TSC22D2: variants seen among roughly 807,000 people sequenced by gnomAD.
TSC22D2 encodes TSC22 domain family member 2.
Under a neutral mutation model 50.1 loss-of-function variants are expected in TSC22D2, and 5 were observed. That is an observed-to-expected ratio of 0.10 (90% CI 0.05 to 0.21). TSC22D2 has a LOEUF of 0.21. Ranked by LOEUF, TSC22D2 falls within the 10% of genes least tolerant of loss-of-function variation. TSC22D2 has a pLI of 1.00. For synonymous variants in TSC22D2, 501 were observed against 450.1 expected, an observed-to-expected ratio of 1.11 and a Z score of -1.43; for missense variants, 1,003 against 1,015.5, an observed-to-expected ratio of 0.99 and a Z score of 0.17.
chr3:150,457,064 A>G lies in TSC22D2; in HGVS notation c.1959-12A>G, dbSNP rs975484071. The G allele has an allele frequency of 3.1e-6, 5 of 1,610,870 alleles. No individual in the cohort carries two copies. The African/African-American group carries it at 4.0e-5, about 13-fold the overall frequency. Reference sequence around the variant, plus strand: ...ATTTTTTAGAATAATAACATATTCTAATTTTTTCCAGTGCATCTGGGGGAG... The same window carrying G: ...ATTTTTTAGAATAATAACATATTCTGATTTTTTCCAGTGCATCTGGGGGAG... On this transcript the variant is annotated splice_polypyrimidine_tract_variant and intron_variant, in intron 1 of 2. Transcript: ENST00000688009.
intron 1 of TSC22D2, among the ~76,000 whole-genome samples, chr3:150,446,964 C>T (rs1361531175): frequency 6.6e-6 from 1 of 152,176 alleles, no homozygotes; most frequent in Admixed American, 6.5e-5. Context: ...TTTTAACTAA[C>T]ATTTCTGCAC....
intron 1 of TSC22D2, among the ~76,000 whole-genome samples, chr3:150,419,585 A>G (rs1387084171): frequency 1.3e-5 from 2 of 152,054 alleles, no homozygotes; most frequent in Non-Finnish European, 2.9e-5. Flanking sequence ...TTAAGCTTTG[A>G]CAATTTTTGT....
At chr3:150,445,965 A>C (rs1720873634) in intron 1 of TSC22D2, among the ~76,000 whole-genome samples, 2 of 151,932 alleles carry the variant, frequency 1.3e-5, no homozygotes, top group African/African-American at 4.8e-5. Context: ...ATGGTGGTGC[A>C]CACCTGTAGT....
chr3:150,424,721 T>TGGAGCCTGTTGTTC (rs1720124075), intron 1 of TSC22D2, among the ~76,000 whole-genome samples: 2 of 152,210 alleles, frequency 1.3e-5, no homozygotes, highest in African/African-American at 4.8e-5. Context: ...CTCTCCTCCT[T>TGGAGCCTGTTGTTC]GGAGCCTGTT....
rs1222293046 is a variant in TSC22D2 at position 150,409,623 on chromosome 3, T to C, written c.273T>C (p.Asp91=). ...CCGTCTCCCCAAACCTCCTCCTAGA[T>C]GGGCAGCTGGCAGCGGCGGCTGCTG... ...PGTVSPNLLL[D]GQLAAAAAAP... The change falls in exon 1 of 3, where the codon GAT becomes GAC. Residue 91 remains aspartate, a synonymous_variant. Coordinates refer to ENST00000688009, the MANE Select transcript of TSC22D2 (RefSeq NM_001303264.2). The surrounding 1 kb of genome is among the most constrained non-coding windows in gnomAD (Gnocchi z 7.4). The C allele has an allele frequency of 1.2e-6, 2 of 1,609,674 alleles. No individual in the cohort carries two copies. The highest frequency in any genetic ancestry group is 1.7e-6 in the Non-Finnish European group (2 of 1,177,556).
chr3:150,438,992 G>A (rs1215905409), intron 1 of TSC22D2, among the ~76,000 whole-genome samples: 1 of 151,952 alleles, frequency 6.6e-6, no homozygotes, highest in Non-Finnish European at 1.5e-5. Context: ...TTCTTATTTT[G>A]CTTTGTTTTA....
intron 1 of TSC22D2, among the ~76,000 whole-genome samples, chr3:150,421,100 A>T (rs1342985726): frequency 6.6e-6 from 1 of 152,208 alleles, no homozygotes; most frequent in Non-Finnish European, 1.5e-5. Context: ...ATAAATAAAT[A>T]ATAAAGTTCT....
Position 150,410,246 on chromosome 3 carries a change from C to T in TSC22D2, c.896C>T (p.Ala299Val). ...SAPLPPFPGA[A>V]TGPQPMMAAA... ...CCGCTGCCGCCGTTCCCGGGAGCCGCGACCGGGCCGCAGCCAATGATGGCA... is the reference window on the plus strand; with the variant it reads ...CCGCTGCCGCCGTTCCCGGGAGCCGTGACCGGGCCGCAGCCAATGATGGCA... The change falls in exon 1 of 3, where the codon GCG (alanine) becomes GTG (valine). Residue 299 changes from alanine to valine, a missense_variant. Ala to Val is a moderately conservative substitution (Grantham distance 64, BLOSUM62 0). Transcript: ENST00000688009. 6.4e-7 allele frequency: 1 copy of T among 1,559,428 alleles called. No homozygotes were observed. Among genetic ancestry groups the T allele is most frequent in the Non-Finnish European group, 8.7e-7 (1 of 1,152,814 alleles).
intron 1 of TSC22D2, among the ~76,000 whole-genome samples, chr3:150,451,427 A>G (rs181401939): frequency 1.6e-4 from 24 of 152,316 alleles, no homozygotes; most frequent in African/African-American, 5.1e-4. Context: ...TCTTCTAGGA[A>G]TTTGCCAGAT....
intron 1 of TSC22D2, among the ~76,000 whole-genome samples, chr3:150,425,250 C>T (rs561176516): frequency 3.4e-4 from 51 of 152,034 alleles, no homozygotes; most frequent in African/African-American, 1.0e-3. Context: ...ATAGACTGGG[C>T]GCAGTGGCTC....
Position 150,460,043 on chromosome 3 carries a change from A to G in TSC22D2, c.*1407A>G, listed in dbSNP as rs2108110701. 6.6e-6 allele frequency: 1 copy of G among 152,278 alleles called. No homozygotes were observed. The highest frequency in any genetic ancestry group is 1.9e-4 in the East Asian group (1 of 5,186). The allele number at this position is 152,278 out of a possible 1,614,324, so 9.4% of individuals were successfully genotyped here. ...AGCATCATTTTGTGTATACTAACAC[A>G]TTAAGTGTATGTCAGAAATTGATGT... On this transcript the variant is annotated 3_prime_UTR_variant, in exon 3 of 3. Transcript: ENST00000688009.
At chr3:150,411,749 G>GAA (rs34599726) in intron 1 of TSC22D2, among the ~76,000 whole-genome samples, 1 of 149,788 alleles carries the variant, frequency 6.7e-6, no homozygotes, top group Non-Finnish European at 1.5e-5. Flanking sequence ...GTCCTCTAGT[G>GAA]AAAAAAAAAA....
At position 150,464,691 on chromosome 3, in the gene TSC22D2, C is replaced by G. The variant is rs1721505337; in HGVS notation, c.*6055C>G. ...CCATGTAAAAATCCTTTGATATTGC[C>G]AGGAAACAACTTTAAATCACCAGAA... is the stretch of plus-strand genomic sequence containing the variant. On this transcript the variant is annotated 3_prime_UTR_variant, in exon 3 of 3. Transcript: ENST00000688009. 6.6e-6 allele frequency: 1 copy of G among 151,976 alleles called. No homozygotes were observed. Among genetic ancestry groups the G allele is most frequent in the Non-Finnish European group, 1.5e-5 (1 of 67,992 alleles). The allele number at this position is 151,976 out of a possible 1,614,324, so 9.4% of individuals were successfully genotyped here. A position where few individuals can be genotyped will look rare whatever the true frequency, so the allele number is the denominator to read the frequency against.
intron 1 of TSC22D2, among the ~76,000 whole-genome samples, chr3:150,428,039 T>C (rs1720248651): frequency 6.6e-6 from 1 of 152,148 alleles, no homozygotes; most frequent in African/African-American, 2.4e-5. Flanking sequence ...TTTTCCACTT[T>C]TGTAAGTGTC....
intron 1 of TSC22D2, among the ~76,000 whole-genome samples, chr3:150,424,538 GTTTAT>G (rs1387827318): frequency 6.6e-6 from 1 of 152,072 alleles, no homozygotes; most frequent in African/African-American, 2.4e-5. Context: ...ATATTGAAAG[GTTTAT>G]TTTGTTTCAT....
intron 1 of TSC22D2, among the ~76,000 whole-genome samples, chr3:150,452,359 C>T (rs1013887861): frequency 2.0e-5 from 3 of 151,878 alleles, no homozygotes; most frequent in Admixed American, 6.6e-5. Flanking sequence ...GCAGGAGACT[C>T]GCTTGAACCC....
At chr3:150,428,126 T>C (rs1219682005) in intron 1 of TSC22D2, among the ~76,000 whole-genome samples, 2 of 152,168 alleles carry the variant, frequency 1.3e-5, no homozygotes, top group Non-Finnish European at 2.9e-5. Context: ...ATTTGTAACA[T>C]AGCACTGTTC....
In TSC22D2 at chr3:150,409,545, C is replaced by T. The variant is rs750149532; in HGVS notation, c.195C>T (p.Arg65=). The change falls in exon 1 of 3, where the codon CGC becomes CGT. Residue 65 remains arginine (R), a synonymous_variant. Transcript: ENST00000688009. This position sits in a 1 kb window ranked among gnomAD's most constrained non-coding sequence, Gnocchi z 7.4. ...ATGGCCCTGAGGAGGTCTGCGAGCG[C>T]AGCTCTTCCGAAGAGACGCTTAACA... The part of the protein sequence containing the change: ...TDYGPEEVCE[R]SSSEETLNNV... The T allele has an allele frequency of 3.7e-6, 6 of 1,605,318 alleles. No individual in the cohort carries two copies. The highest frequency in any genetic ancestry group is 5.1e-6 in the Non-Finnish European group (6 of 1,173,234).
chr3:150,463,028 A>T lies in TSC22D2; in HGVS notation c.*4392A>T, dbSNP rs1324466129. On this transcript the variant is annotated 3_prime_UTR_variant, in exon 3 of 3. Transcript: ENST00000688009. ...CGGTCTTTTCCTTCCAACAGTTATA[A>T]ATCTGTGAAATGAAAGTCTTTGTTT... The T allele has an allele frequency of 6.6e-6, 1 of 152,232 alleles. No homozygotes were observed. Among genetic ancestry groups the T allele is most frequent in the Non-Finnish European group, 1.5e-5 (1 of 68,040 alleles). 9.4% of individuals were successfully genotyped at this position (152,232 alleles called of 1,614,324 possible).
Sources: allele counts gnomAD v4.1 joint callset (sites outside exome capture counted in the v4.1 genomes callset), GRCh38; gene constraint gnomAD v4.1.1; non-coding constraint Gnocchi (gnomAD v3.1); transcripts MANE v1.5; gene names NCBI Gene and HGNC (gene_info 2026-07-23, HGNC 2026-07-21).